Variants in SAMD3 observed in about 807,000 individuals in gnomAD.
SAMD3 encodes sterile alpha motif domain containing 3.
A neutral mutation model predicts 58.5 loss-of-function variants in SAMD3; 63 were observed. That is an observed-to-expected ratio of 1.08 (90% CI 0.88 to 1.33). The LOEUF is 1.33. Ranked by LOEUF, SAMD3 falls within the 40% of genes most tolerant of loss-of-function variation. The probability of loss-of-function intolerance (pLI) is 0.00; values close to 1 mark genes in which losing one functional copy is unlikely to be tolerated. For missense variants in SAMD3, 604 were observed against 608.4 expected, an observed-to-expected ratio of 0.99 and a Z score of 0.08; for synonymous variants, 220 against 210.3, an observed-to-expected ratio of 1.05 and a Z score of -0.40.
chr6:130,158,319 T>G (rs1486682145), intron 8 of SAMD3, among the ~76,000 whole-genome samples: 2 of 152,140 alleles, frequency 1.3e-5, no homozygotes, highest in African/African-American at 4.8e-5. Context: ...TTTACAGCTA[T>G]GTAAGTAAGG....
At chr6:130,302,322 A>T (rs1162445063) in intron 2 of SAMD3, among the ~76,000 whole-genome samples, 1 of 152,204 alleles carries the variant, frequency 6.6e-6, no homozygotes, top group African/African-American at 2.4e-5. Flanking sequence ...CAAACATAGG[A>T]AAAAATGCTC....
intron 2 of SAMD3, among the ~76,000 whole-genome samples, chr6:130,267,830 C>T (rs959950705): frequency 2.0e-4 from 31 of 152,188 alleles, no homozygotes; most frequent in African/African-American, 6.8e-4. Flanking sequence ...TTGATCACGA[C>T]CCTCTCACAT....
intron 1 of SAMD3, among the ~76,000 whole-genome samples, chr6:130,220,152 C>A (rs996306794): frequency 2.0e-5 from 3 of 152,118 alleles, no homozygotes; most frequent in African/African-American, 7.2e-5. Flanking sequence ...CAGACGCGTG[C>A]CACCATGCCA....
chr6:130,330,380 C>A (rs1776891738), intron 1 of SAMD3, among the ~76,000 whole-genome samples: 1 of 152,120 alleles, frequency 6.6e-6, no homozygotes, highest in Admixed American at 6.5e-5. Flanking sequence ...ATATGAATTT[C>A]TATTGCTATC....
At chr6:130,229,042 GGA>G (rs1030231907) in intron 2 of SAMD3, among the ~76,000 whole-genome samples, 1 of 152,202 alleles carries the variant, frequency 6.6e-6, no homozygotes, top group Non-Finnish European at 1.5e-5. Flanking sequence ...TCCCTAGACT[GGA>G]GAGAGAGTCC....
intron 1 of SAMD3, chr6:130,365,074 G>A (rs1026376500): frequency 1.5e-6 from 1 of 650,294 alleles, no homozygotes; most frequent in African/African-American, 2.0e-5. Context: ...TGCACAGGGG[G>A]TGGTTGGAAT....
chr6:130,267,233 T>C (rs1256517152), intron 2 of SAMD3, among the ~76,000 whole-genome samples: 3 of 152,210 alleles, frequency 2.0e-5, no homozygotes, highest in East Asian at 3.9e-4. Flanking sequence ...CCTGGGGCCA[T>C]GTTTGGAAAT....
intron 2 of SAMD3, among the ~76,000 whole-genome samples, chr6:130,280,199 T>C (rs748581136): frequency 1.3e-5 from 2 of 152,232 alleles, no homozygotes; most frequent in Non-Finnish European, 2.9e-5. Context: ...TCCTATTTAC[T>C]GAAGCTATTC....
intron 2 of SAMD3, chr6:130,286,124 A>T: frequency 6.6e-6 from 1 of 152,250 alleles, no homozygotes; most frequent in East Asian, 1.9e-4. Flanking sequence ...TTAGGATCAG[A>T]TAGTGATAAG....
chr6:130,151,717 A>G (rs1789207751), intron 9 of SAMD3, among the ~76,000 whole-genome samples: 2 of 152,202 alleles, frequency 1.3e-5, no homozygotes. Context: ...CTGGGATTAC[A>G]GGCATGAGCC....
chr6:130,204,768 T>C (rs1280032426), intron 5 of SAMD3, among the ~76,000 whole-genome samples: 2 of 54,730 alleles, frequency 3.7e-5, no homozygotes, highest in South Asian at 3.5e-4. Flanking sequence ...TCCAGGCCTT[T>C]TTTTTTTTTT....
chr6:130,204,600 AAAAG>A (rs1301325645), intron 5 of SAMD3, among the ~76,000 whole-genome samples: 3 of 151,462 alleles, frequency 2.0e-5, no homozygotes, highest in Non-Finnish European at 2.9e-5. Flanking sequence ...CTATCTCAAA[AAAAG>A]AAAAAAAAAA....
intron 2 of SAMD3, among the ~76,000 whole-genome samples, chr6:130,309,314 C>G (rs1353364680): frequency 6.6e-6 from 1 of 152,180 alleles, no homozygotes; most frequent in Admixed American, 6.5e-5. Flanking sequence ...GCTTGTATGA[C>G]TTTCAGCAAG....
At chr6:130,154,752 TATA>T (rs1789618024) in intron 9 of SAMD3, 70 bp downstream of exon 9, 21 of 449,718 alleles carry the variant, frequency 4.7e-5, no homozygotes. Flanking sequence ...TGTATGTATA[TATA>T]ATATTAAAAT....
intron 2 of SAMD3, among the ~76,000 whole-genome samples, chr6:130,294,440 GTTTAT>G (rs1416589102): frequency 3.9e-5 from 6 of 152,112 alleles, no homozygotes; most frequent in African/African-American, 1.4e-4. Flanking sequence ...CGTTATTAAT[GTTTAT>G]TTTATTTGTG....
At chr6:130,264,795 A>G (rs1409091371) in intron 2 of SAMD3, among the ~76,000 whole-genome samples, 2 of 152,178 alleles carry the variant, frequency 1.3e-5, no homozygotes, top group Non-Finnish European at 2.9e-5. Flanking sequence ...AGAAAAACTC[A>G]TGTCGGCCTC....
intron 1 of SAMD3, among the ~76,000 whole-genome samples, chr6:130,351,387 AC>A (rs1287416447): frequency 6.6e-6 from 1 of 152,196 alleles, no homozygotes; most frequent in Non-Finnish European, 1.5e-5. Context: ...CAAGAAAAAA[AC>A]AAACAACCCC....
At chr6:130,334,107 G>C (rs771332112) in intron 1 of SAMD3, among the ~76,000 whole-genome samples, 11 of 152,072 alleles carry the variant, frequency 7.2e-5, no homozygotes, top group Admixed American at 1.3e-4. Context: ...TAATATCGGG[G>C]AGCATAGGTT....
intron 9 of SAMD3, among the ~76,000 whole-genome samples, chr6:130,147,401 G>A (rs967297161): frequency 2.0e-5 from 3 of 152,212 alleles, no homozygotes; most frequent in Non-Finnish European, 4.4e-5. Flanking sequence ...TTAGAAAACC[G>A]TTTTCTCAGC....
Sources: allele counts gnomAD v4.1 joint callset (sites outside exome capture counted in the v4.1 genomes callset), GRCh38; gene constraint gnomAD v4.1.1; transcripts MANE v1.5; gene names NCBI Gene and HGNC (gene_info 2026-07-23, HGNC 2026-07-21).